MGAT4C: variants seen among roughly 807,000 people sequenced by gnomAD.
MGAT4C encodes MGAT4 family member C.
A neutral mutation model predicts 40.1 loss-of-function variants in MGAT4C; 19 were observed. The ratio of observed to expected loss-of-function variants is 0.47; its 90% CI spans 0.33 to 0.70. The LOEUF is 0.70. Ranked by LOEUF, MGAT4C falls within the 30% of genes least tolerant of loss-of-function variation. MGAT4C has a pLI of 0.02. For synonymous variants in MGAT4C, 181 were observed against 187.1 expected (o/e 0.97, Z 0.27); for missense variants, 491 against 563.2 (o/e 0.87, Z 1.30).
chr12:86,485,302 A>T (rs1213141001), intron 2 of MGAT4C, among the ~76,000 whole-genome samples: 3 of 152,174 alleles, frequency 2.0e-5, no homozygotes, highest in Non-Finnish European at 4.4e-5. Context: ...AAGGTTCAGG[A>T]ACAAGTTGAA....
At chr12:86,366,365 G>A (rs920977840) in intron 3 of MGAT4C, among the ~76,000 whole-genome samples, 3 of 152,084 alleles carry the variant, frequency 2.0e-5, no homozygotes, top group African/African-American at 7.2e-5. Context: ...CTATTTGTAT[G>A]CCTTTTATTT....
Position 86,232,092 on chromosome 12 carries a change from G to C in MGAT4C, c.-57+24147C>G, listed in dbSNP as rs1330935374. Among the ~76,000 whole-genome samples, 3 of 142,848 alleles carry C rather than the reference G, an allele frequency of 2.1e-5. No individual in the cohort carries two copies. In the East Asian group the frequency reaches 6.8e-4, roughly 32 times the overall value. The allele number at this position is 142,848 out of a possible 152,430, so 93.7% of individuals were successfully genotyped here. A position where few individuals can be genotyped will look rare whatever the true frequency, so the allele number is the denominator to read the frequency against. ...GGGAGGCCGAGTGAGCCGAGGTAGC[G>C]CCACCGTACTCCAGCCTGGGCGACA... On this transcript the variant is annotated intron_variant, in intron 1 of 4. Coordinates refer to ENST00000611864, the MANE Select transcript of MGAT4C (RefSeq NM_001351288.2).
At chr12:86,563,362 G>C (rs1592989590) in intron 2 of MGAT4C, among the ~76,000 whole-genome samples, 1 of 152,138 alleles carries the variant, frequency 6.6e-6, no homozygotes, top group South Asian at 2.1e-4. Flanking sequence ...GCTCTGGCAT[G>C]GGCTAATTAA....
At chr12:86,716,000 C>T (rs1474485920) in intron 2 of MGAT4C, among the ~76,000 whole-genome samples, 1 of 152,026 alleles carries the variant, frequency 6.6e-6, no homozygotes. Context: ...TCAATTTATC[C>T]ACCTGAGATT....
At chr12:86,121,003 G>C (rs930484764) in intron 1 of MGAT4C, among the ~76,000 whole-genome samples, 3 of 152,174 alleles carry the variant, frequency 2.0e-5, no homozygotes, top group Non-Finnish European at 4.4e-5. Flanking sequence ...TTGAAAAGTA[G>C]ATTAGATGAA....
chr12:86,538,679 C>T (rs1328838347), intron 2 of MGAT4C, among the ~76,000 whole-genome samples: 7 of 148,522 alleles, frequency 4.7e-5, no homozygotes, highest in Non-Finnish European at 8.9e-5. Context: ...ACTATCTTGG[C>T]TCACTGCAAG....
At chr12:86,526,900 C>A (rs771262032) in intron 2 of MGAT4C, among the ~76,000 whole-genome samples, 1 of 152,148 alleles carries the variant, frequency 6.6e-6, no homozygotes, top group African/African-American at 2.4e-5. Flanking sequence ...AGGCCTGTGG[C>A]GAGAGTGGGT....
At chr12:86,354,013 C>T (rs1955245000) in intron 3 of MGAT4C, among the ~76,000 whole-genome samples, 1 of 152,250 alleles carries the variant, frequency 6.6e-6, no homozygotes, top group Non-Finnish European at 1.5e-5. Flanking sequence ...TTCATCCCAA[C>T]CTATGTATGT....
intron 3 of MGAT4C, among the ~76,000 whole-genome samples, chr12:86,407,487 C>G (rs920841536): frequency 2.0e-5 from 3 of 151,844 alleles, no homozygotes; most frequent in Non-Finnish European, 4.4e-5. Context: ...GTATGCAGAC[C>G]TCACTATTTA....
chr12:86,067,017 C>T (rs1894608070), intron 1 of MGAT4C, among the ~76,000 whole-genome samples: 1 of 152,072 alleles, frequency 6.6e-6, no homozygotes, highest in African/African-American at 2.4e-5. Context: ...AATACCATCT[C>T]ACGCCAGTTA....
At chr12:86,809,911 G>T (rs992902642) in intron 1 of MGAT4C, among the ~76,000 whole-genome samples, 1 of 151,876 alleles carries the variant, frequency 6.6e-6, no homozygotes, top group Non-Finnish European at 1.5e-5. Context: ...ATTCTTTCTA[G>T]CACCTTTACT....
At chr12:86,005,197 G>T (rs770570958) in intron 2 of MGAT4C, among the ~76,000 whole-genome samples, 1 of 152,094 alleles carries the variant, frequency 6.6e-6, no homozygotes, top group Admixed American at 6.6e-5. Context: ...GCCACATTGG[G>T]CAGAGAAGCC....
At chr12:86,273,444 T>C (rs556112751) in intron 4 of MGAT4C, among the ~76,000 whole-genome samples, 2 of 152,300 alleles carry the variant, frequency 1.3e-5, no homozygotes, top group Admixed American at 6.5e-5. Flanking sequence ...CCCAAGTTTA[T>C]GGCAAAATGA....
chr12:85,959,362 A>C lies in MGAT4C; in HGVS notation c.*19927T>G, dbSNP rs1358616353. On this transcript the variant is annotated 3_prime_UTR_variant, in exon 5 of 5. Transcript: ENST00000611864. ...GGGGTATAAAATCTAAAGTTTGGTA[A>C]ATCTTTGCTTTACAGGGCTTCAAGT... The C allele has an allele frequency of 6.6e-6, 1 of 151,970 alleles. No homozygotes were observed. Among genetic ancestry groups the C allele is most frequent in the Non-Finnish European group, 1.5e-5 (1 of 67,920 alleles). 9.4% of individuals were successfully genotyped at this position (151,970 alleles called of 1,614,324 possible).
chr12:86,399,508 C>T (rs1194538513), intron 3 of MGAT4C, among the ~76,000 whole-genome samples: 2 of 152,100 alleles, frequency 1.3e-5, no homozygotes, highest in Admixed American at 6.6e-5. Flanking sequence ...GTCTCCATCT[C>T]CTGACCTCGT....
At chr12:86,240,447 G>T (rs1247249147) in intron 1 of MGAT4C, among the ~76,000 whole-genome samples, 1 of 151,594 alleles carries the variant, frequency 6.6e-6, no homozygotes, top group Non-Finnish European at 1.5e-5. Context: ...ACATTTGTGG[G>T]TTTTTAACAA....
chr12:86,739,853 CACAA>C (rs932807320), intron 1 of MGAT4C, among the ~76,000 whole-genome samples: 5 of 150,254 alleles, frequency 3.3e-5, no homozygotes, highest in East Asian at 1.9e-4. Flanking sequence ...TATGTATGCA[CACAA>C]ACACACACAC....
At chr12:86,030,378 G>A (rs1890631527) in intron 2 of MGAT4C, among the ~76,000 whole-genome samples, 1 of 151,750 alleles carries the variant, frequency 6.6e-6, no homozygotes, top group Non-Finnish European at 1.5e-5. Context: ...GCCTAAATAT[G>A]AGATGATGCC....
intron 2 of MGAT4C, among the ~76,000 whole-genome samples, chr12:86,490,898 C>T (rs1200743803): frequency 1.3e-5 from 2 of 152,050 alleles, no homozygotes; most frequent in African/African-American, 2.4e-5. Context: ...TACAGGAGCA[C>T]CCAGATTCAT....
Sources: allele counts gnomAD v4.1 joint callset (sites outside exome capture counted in the v4.1 genomes callset), GRCh38; gene constraint gnomAD v4.1.1; transcripts MANE v1.5; gene names NCBI Gene and HGNC (gene_info 2026-07-23, HGNC 2026-07-21).